The following NEK11 variants were observed in gnomAD, a reference collection of about 807,000 sequenced individuals.
NEK11 encodes serine/threonine-protein kinase Nek11.
Under a neutral mutation model 80.7 loss-of-function variants are expected in NEK11, and 72 were observed. The ratio of observed to expected loss-of-function variants is 0.89; its 90% CI spans 0.74 to 1.08. NEK11 has a LOEUF of 1.08. Ranked by LOEUF, NEK11 falls within the 50% of genes least tolerant of loss-of-function variation. NEK11 has a pLI of 0.00. For synonymous variants in NEK11, 251 were observed against 260.7 expected (o/e 0.96, Z 0.36); for missense variants, 764 against 763.6 (o/e 1.00, Z -0.01).
chr3:131,268,047 C>T (rs991553440), intron 16 of NEK11, among the ~76,000 whole-genome samples: 4 of 152,054 alleles, frequency 2.6e-5, no homozygotes, highest in African/African-American at 9.7e-5. Flanking sequence ...TCCTTTCTTC[C>T]ACTTGATCAG....
chr3:131,072,143 C>T (rs956830904), intron 3 of NEK11: 14 of 152,278 alleles, frequency 9.2e-5, no homozygotes, highest in African/African-American at 3.4e-4. Flanking sequence ...GTCCTCCTAT[C>T]AAGAAGTCTA....
rs573823708 is a variant in NEK11 at position 131,059,340 on chromosome 3, CA to C, written c.171-21081del. ...GTTTTTTGGTATATAAATTATATCT[CA>C]ATAAAGTTGTTATAAAGAGGAGAAA... On this transcript the variant is annotated intron_variant, in intron 3 of 17. Transcript: ENST00000383366. Among the ~76,000 whole-genome samples, 502 of 152,212 alleles carry C rather than the reference CA, an allele frequency of 3.3e-3. 1 individual carries two copies. The highest frequency in any genetic ancestry group is 0.011 in the African/African-American group (476 of 41,542).
intron 17 of NEK11, among the ~76,000 whole-genome samples, chr3:131,299,998 G>A (rs980233297): frequency 3.3e-5 from 5 of 152,224 alleles, no homozygotes; most frequent in Non-Finnish European, 7.4e-5. Flanking sequence ...CCCACTGGCA[G>A]TGTATAAGCA....
chr3:131,231,392 T>A (rs1312298730), intron 15 of NEK11, among the ~76,000 whole-genome samples: 1 of 148,764 alleles, frequency 6.7e-6, no homozygotes, highest in African/African-American at 2.5e-5. Flanking sequence ...CAAGTCAATG[T>A]TTTTGCTACT....
intron 17 of NEK11, among the ~76,000 whole-genome samples, chr3:131,302,092 G>A (rs1438676467): frequency 1.3e-5 from 2 of 152,080 alleles, no homozygotes; most frequent in Non-Finnish European, 2.9e-5. Context: ...TTGGGAGGTT[G>A]TAGATTTCTA....
rs540386669 is a variant in NEK11 at position 131,286,090 on chromosome 3, A to G, written c.1718+12516A>G. On this transcript the variant is annotated intron_variant, in intron 17 of 17. Transcript: ENST00000383366. ...CTACCCCTCTTTCTTGGCCACTTCAATTGCCATTCTGCAGGCCCTGACTTT... is the reference window on the plus strand; with the variant it reads ...CTACCCCTCTTTCTTGGCCACTTCAGTTGCCATTCTGCAGGCCCTGACTTT... Among the ~76,000 whole-genome samples the G allele has an allele frequency of 5.3e-4, 80 of 152,322 alleles. 1 individual carries two copies. The highest frequency in any genetic ancestry group is 1.8e-3 in the African/African-American group (73 of 41,588).
intron 3 of NEK11, among the ~76,000 whole-genome samples, chr3:131,055,394 C>T (rs2069270387): frequency 6.6e-6 from 1 of 151,962 alleles, no homozygotes; most frequent in Non-Finnish European, 1.5e-5. Context: ...AGGAAATAGA[C>T]AATAAATACA....
At chr3:131,252,955 T>G (rs2095736162) in intron 16 of NEK11, among the ~76,000 whole-genome samples, 2 of 152,184 alleles carry the variant, frequency 1.3e-5, no homozygotes, top group Admixed American at 1.3e-4. Flanking sequence ...TGAAATGTTT[T>G]CTTCCTAGAT....
intron 11 of NEK11, among the ~76,000 whole-genome samples, chr3:131,163,178 A>G (rs1202864178): frequency 2.0e-5 from 3 of 152,208 alleles, no homozygotes; most frequent in Non-Finnish European, 4.4e-5. Context: ...AATAGCATGA[A>G]GATTCCTCTA....
At chr3:131,133,199 G>A (rs905075966) in intron 6 of NEK11, 1 of 451,870 alleles carries the variant, frequency 2.2e-6, no homozygotes, top group South Asian at 1.6e-5. Flanking sequence ...GCAATAAGTG[G>A]TTATAGATAA....
intron 17 of NEK11, among the ~76,000 whole-genome samples, chr3:131,301,386 C>T (rs2096659845): frequency 6.6e-6 from 1 of 151,730 alleles, no homozygotes; most frequent in South Asian, 2.1e-4. Context: ...TCTTGATTGC[C>T]CTGCCTAGGA....
At chr3:131,198,898 C>G (rs2094127326) in intron 14 of NEK11, among the ~76,000 whole-genome samples, 1 of 152,192 alleles carries the variant, frequency 6.6e-6, no homozygotes, top group Admixed American at 6.5e-5. Flanking sequence ...ACCTGGGAAT[C>G]CATATTCGGC....
At chr3:131,160,047 G>T (rs930359131) in intron 10 of NEK11, among the ~76,000 whole-genome samples, 3 of 152,086 alleles carry the variant, frequency 2.0e-5, no homozygotes, top group Admixed American at 6.6e-5. Flanking sequence ...AGCTAAAGAG[G>T]TCAACACTCA....
chr3:131,223,081 T>C (rs1233452175), intron 14 of NEK11, among the ~76,000 whole-genome samples: 2 of 152,194 alleles, frequency 1.3e-5, no homozygotes, highest in African/African-American at 2.4e-5. Flanking sequence ...AGTATACCCA[T>C]TATGAGGCTG....
chr3:131,057,622 A>G (rs983728828), intron 3 of NEK11, among the ~76,000 whole-genome samples: 1 of 151,998 alleles, frequency 6.6e-6, no homozygotes, highest in African/African-American at 2.4e-5. Context: ...TTTGATTTGC[A>G]TTTCTCTGAT....
intron 14 of NEK11, among the ~76,000 whole-genome samples, chr3:131,171,937 CA>C (rs1187050525): frequency 1.3e-5 from 2 of 152,154 alleles, no homozygotes; most frequent in Non-Finnish European, 2.9e-5. Flanking sequence ...ACTACAATTG[CA>C]ACGTTACTTT....
At chr3:131,305,416 G>T (rs2096712919) in intron 17 of NEK11, among the ~76,000 whole-genome samples, 1 of 152,068 alleles carries the variant, frequency 6.6e-6, no homozygotes, top group African/African-American at 2.4e-5. Context: ...GGTGAGGGTG[G>T]GGCCCCAGGA....
intron 3 of NEK11, among the ~76,000 whole-genome samples, chr3:131,079,565 A>G (rs1025327638): frequency 6.6e-6 from 1 of 152,148 alleles, no homozygotes; most frequent in Admixed American, 6.6e-5. Flanking sequence ...TCTAGTTCAC[A>G]CTTTGGTACT....
chr3:131,034,072 A>G (rs1181349704), intron 3 of NEK11, among the ~76,000 whole-genome samples: 1 of 152,200 alleles, frequency 6.6e-6, no homozygotes, highest in Admixed American at 6.5e-5. Context: ...GTATTGTTAA[A>G]TTGTCAAAGT....
Sources: gnomAD v4.1 joint callset for allele counts (sites outside exome capture counted in the v4.1 genomes callset) on GRCh38, gnomAD v4.1.1 for gene constraint, MANE v1.5 for transcripts, NCBI Gene and HGNC (gene_info 2026-07-23, HGNC 2026-07-21) for gene names.